BCLAF1: variants seen among roughly 807,000 people sequenced by gnomAD.
BCLAF1 encodes bcl-2-associated transcription factor 1.
Under a neutral mutation model 99.5 loss-of-function variants are expected in BCLAF1, and 10 were observed. That is an observed-to-expected ratio of 0.10 (90% CI 0.06 to 0.17). The LOEUF (loss-of-function observed/expected upper bound fraction) is 0.17. BCLAF1 is among the 10% of genes least tolerant of loss of function. The pLI, the probability that BCLAF1 is intolerant of heterozygous loss-of-function variation, is 1.00. For synonymous variants in BCLAF1, 255 were observed against 370.9 expected, an observed-to-expected ratio of 0.69 and a Z score of 3.59; for missense variants, 636 against 1,105.8, an observed-to-expected ratio of 0.58 and a Z score of 6.02.
intron 6 of BCLAF1, among the ~76,000 whole-genome samples, chr6:136,274,368 A>G (rs1386087443): frequency 3.3e-5 from 5 of 151,770 alleles, no homozygotes; most frequent in African/African-American, 9.7e-5. Flanking sequence ...ATTCAGTAAT[A>G]AATTGTAAAA....
At chr6:136,262,342 C>CT (rs1200035032) in intron 11 of BCLAF1, among the ~76,000 whole-genome samples, 1 of 152,032 alleles carries the variant, frequency 6.6e-6, no homozygotes, top group East Asian at 1.9e-4. Flanking sequence ...CAAAATGCCC[C>CT]TTTATTAGAA....
chr6:136,275,506 C>A, intron 6 of BCLAF1, 26 bp downstream of exon 6: 1 of 1,454,684 alleles, frequency 6.9e-7, no homozygotes, highest in African/African-American at 1.4e-5. Context: ...AAATTTAATT[C>A]ACGATACTAA....
Position 136,277,966 on chromosome 6 carries a change from G to T in BCLAF1, c.915C>A (p.Ile305=), listed in dbSNP as rs76106021. 1 of 1,606,936 alleles carries T rather than the reference G, an allele frequency of 6.2e-7. No homozygotes were observed. Among genetic ancestry groups the T allele is most frequent in the South Asian group, 1.1e-5 (1 of 90,544 alleles). Residue 305 remains isoleucine (I), a synonymous_variant, in exon 4 of 13, where the codon ATC becomes ATA. Transcript: ENST00000531224. Reference sequence around the variant, plus strand: ...CATCTCTTGGAGCATTCTGTGGTGCGATTGTCTTTGCAGGACTTCTTCGTG... The same window carrying T: ...CATCTCTTGGAGCATTCTGTGGTGCTATTGTCTTTGCAGGACTTCTTCGTG... ...IPSRRSPAKT[I]APQNAPRDES... is the part of the protein sequence containing the mutation.
chr6:136,267,118 G>T lies in BCLAF1; in HGVS notation c.2455C>A (p.Pro819Thr), dbSNP rs1383209240. The T allele has an allele frequency of 3.1e-6, 5 of 1,612,938 alleles. No homozygotes were observed. Among genetic ancestry groups the T allele is most frequent in the Admixed American group, 3.3e-5 (2 of 59,940 alleles). Residue 819 changes from proline (P) to threonine (T), a missense_variant, in exon 11 of 13, where the codon CCA becomes ACA. Coordinates refer to ENST00000531224, the MANE Select transcript of BCLAF1 (RefSeq NM_014739.3). The stretch of plus-strand genomic sequence containing the variant: ...TGAAAAGTAGTATTTGAGTTGTTTG[G>T]ACCAGTATTTGTCCCAGCAAAAACT... ...RGVFAGTNTG[P>T]NNSNTTFQKR... is the part of the protein sequence containing the mutation.
At chr6:136,270,976 CAAAAAA>C (rs796362845) in intron 8 of BCLAF1, among the ~76,000 whole-genome samples, 1 of 150,896 alleles carries the variant, frequency 6.6e-6, no homozygotes, top group South Asian at 2.1e-4. Context: ...AAAACAAAAA[CAAAAAA>C]AATAACAGAA....
At chr6:136,266,950 T>C (rs1255413636) in intron 11 of BCLAF1, 79 bp downstream of exon 11, 4 of 1,495,156 alleles carry the variant, frequency 2.7e-6, no homozygotes, top group African/African-American at 1.4e-5. Flanking sequence ...TAGTAGTGGT[T>C]ATCTGTACTC....
intron 1 of BCLAF1, among the ~76,000 whole-genome samples, chr6:136,285,358 T>C (rs1211853289): frequency 6.6e-6 from 1 of 152,198 alleles, no homozygotes; most frequent in Non-Finnish European, 1.5e-5. Flanking sequence ...TTCTAGGTTT[T>C]AGATTCAAGC....
intron 11 of BCLAF1, 124 bp downstream of exon 11, chr6:136,266,904 TA>T: frequency 3.2e-6 from 4 of 1,246,022 alleles, no homozygotes; most frequent in East Asian, 2.4e-5. Context: ...GTAATTATTT[TA>T]AAAAAGGTTT....
At chr6:136,279,989 T>C in intron 2 of BCLAF1, 113 bp from the exon 3 acceptor site, 1 of 1,176,996 alleles carries the variant, frequency 8.5e-7, no homozygotes, top group Non-Finnish European at 1.1e-6. Context: ...TCAAAGGCTA[T>C]TATTCACCAT....
chr6:136,279,279 T>C (rs1320452785), intron 3 of BCLAF1, among the ~76,000 whole-genome samples: 1 of 152,158 alleles, frequency 6.6e-6, no homozygotes, highest in Non-Finnish European at 1.5e-5. Flanking sequence ...TTATGGTCAT[T>C]TGTATTTTCA....
intron 9 of BCLAF1, chr6:136,268,607 T>G (rs1782074687): frequency 6.7e-6 from 2 of 299,732 alleles, no homozygotes; most frequent in Non-Finnish European, 1.3e-5. Flanking sequence ...AGTTCTTTAG[T>G]ATTTTTAAAT....
chr6:136,288,685 G>A (rs1235088881), intron 1 of BCLAF1, among the ~76,000 whole-genome samples: 1 of 152,196 alleles, frequency 6.6e-6, no homozygotes, highest in Non-Finnish European at 1.5e-5. Flanking sequence ...AAAAGTCTGA[G>A]GTAGCAAAGT....
chr6:136,284,703 C>T (rs78809558), intron 1 of BCLAF1, among the ~76,000 whole-genome samples: 1,903 of 152,254 alleles, frequency 0.012, 40 homozygotes, highest in African/African-American at 0.042. Context: ...ACATGCCAGG[C>T]ACTACTATTC....
intron 11 of BCLAF1, among the ~76,000 whole-genome samples, chr6:136,262,511 T>C (rs1271780614): frequency 6.6e-6 from 1 of 152,148 alleles, no homozygotes; most frequent in East Asian, 1.9e-4. Context: ...ATTTAACTGA[T>C]TAACCCCCTT....
In BCLAF1 at chr6:136,269,545, C is replaced by G. The variant is rs1782209531; in HGVS notation, c.2111G>C (p.Arg704Thr). The change falls in exon 9 of 13, where the codon AGA becomes ACA. Residue 704 changes from arginine (R) to threonine (T), a missense_variant. Transcript: ENST00000531224. ...RHDIDRRRKE[R>T]SKERGDSKGS... ...CTTGGAATCTCCCCGTTCTTTACTT[C>G]TTTCTTTTCTACGGCGATCAATGTC... The G allele has an allele frequency of 6.2e-7, 1 of 1,612,276 alleles. No homozygotes were observed.
intron 11 of BCLAF1, 77 bp from the exon 12 acceptor site, chr6:136,261,554 T>G: frequency 7.0e-7 from 1 of 1,424,126 alleles, no homozygotes; most frequent in South Asian, 1.3e-5. Context: ...TAAATCACAG[T>G]ATTAATCTTC....
chr6:136,278,857 T>A, intron 3 of BCLAF1, 81 bp from the exon 4 acceptor site: 1 of 1,301,618 alleles, frequency 7.7e-7, no homozygotes, highest in Non-Finnish European at 1.0e-6. Flanking sequence ...GAATATAACA[T>A]GTAAATAAAC....
At chr6:136,287,894 G>A (rs879504218) in intron 1 of BCLAF1, among the ~76,000 whole-genome samples, 1 of 152,104 alleles carries the variant, frequency 6.6e-6, no homozygotes, top group Non-Finnish European at 1.5e-5. Context: ...GGTGGCGGGC[G>A]CCTGTAGTCC....
intron 9 of BCLAF1, chr6:136,268,545 T>C: frequency 1.9e-6 from 1 of 522,052 alleles, no homozygotes. Flanking sequence ...AAAAACATGC[T>C]AGGGCCTGCC....
Sources: allele counts gnomAD v4.1 joint callset (sites outside exome capture counted in the v4.1 genomes callset), GRCh38; gene constraint gnomAD v4.1.1; transcripts MANE v1.5; gene names NCBI Gene and HGNC (gene_info 2026-07-23, HGNC 2026-07-21).